KLRK1: variants seen among roughly 807,000 people sequenced by gnomAD.
KLRK1 encodes the protein NKG2-D type II integral membrane protein.
A neutral mutation model predicts 31.3 loss-of-function variants in KLRK1; 40 were observed. The observed-to-expected ratio is 1.28, with a 90% CI of 0.99 to 1.67. The LOEUF is 1.67. Ranked by LOEUF, KLRK1 falls within the 40% of genes most tolerant of loss-of-function variation. KLRK1 has a pLI of 0.00. For missense variants in KLRK1, 251 were observed against 260.0 expected, an observed-to-expected ratio of 0.97 and a Z score of 0.24; for synonymous variants, 77 against 77.3, an observed-to-expected ratio of 1.00 and a Z score of 0.02.
intron 7 of KLRK1, 93 bp downstream of exon 7, chr12:10,378,039 C>T: frequency 2.3e-6 from 3 of 1,295,242 alleles, no homozygotes; most frequent in Non-Finnish European, 3.2e-6. Flanking sequence ...GTGCAAATGT[C>T]CTGGGATTAT....
intron 3 of KLRK1, among the ~76,000 whole-genome samples, chr12:10,385,934 C>T (rs1358630984): frequency 6.6e-6 from 1 of 150,846 alleles, no homozygotes; most frequent in South Asian, 2.1e-4. Flanking sequence ...CCCTTAACTA[C>T]ATATTAAAAA....
In KLRK1 at chr12:10,373,782, A is replaced by T. The variant is rs557829302; in HGVS notation, c.534-551T>A. Among the ~76,000 whole-genome samples the T allele has an allele frequency of 5.9e-5, 9 of 152,206 alleles. No homozygotes were observed. The East Asian group carries it at 1.7e-3, about 29-fold the overall frequency. On this transcript the variant is annotated intron_variant, in intron 7 of 7. Coordinates refer to ENST00000240618, the MANE Select transcript of KLRK1 (RefSeq NM_007360.4). ...ATATGTGTTTTACTCTGGCATCTTT[A>T]ATCTTTTGGAGTTATATGATTAATA... is the stretch of plus-strand genomic sequence containing the variant.
rs1441877246 is a variant in KLRK1 at position 10,378,255 on chromosome 12, A to G, written c.430-20T>C. 1 of 1,605,756 alleles carries G rather than the reference A, an allele frequency of 6.2e-7. No homozygotes were observed. Among genetic ancestry groups the G allele is most frequent in the African/African-American group, 1.3e-5 (1 of 74,604 alleles). On this transcript the variant is annotated intron_variant, in intron 6 of 7. Transcript: ENST00000240618. ...TAAATCCTGTTTGAAACCACAAATA[A>G]ACTATAAGTAAAATCAGTGTTGATA...
chr12:10,377,969 A>G (rs1862996370), intron 7 of KLRK1, among the ~76,000 whole-genome samples, 163 bp downstream of exon 7: 1 of 152,224 alleles, frequency 6.6e-6, no homozygotes, highest in Non-Finnish European at 1.5e-5. Context: ...CTGCTCTACA[A>G]CTAATACAAC....
At chr12:10,381,401 G>A (rs747153722) in intron 3 of KLRK1, among the ~76,000 whole-genome samples, 23 of 152,240 alleles carry the variant, frequency 1.5e-4, no homozygotes, top group Non-Finnish European at 2.9e-4. Flanking sequence ...ATGCTTAAGG[G>A]AGTCCTATAT....
chr12:10,387,166 A>G (rs967460848), intron 2 of KLRK1, among the ~76,000 whole-genome samples, 156 bp from the exon 3 acceptor site: 3 of 152,210 alleles, frequency 2.0e-5, no homozygotes, highest in Non-Finnish European at 2.9e-5. Flanking sequence ...ATAGTACTAC[A>G]TTATTATGTT....
In KLRK1 at chr12:10,373,144, A is replaced by G. The variant is rs1862894579; in HGVS notation, c.621T>C (p.Asn207=). ...KGYIENCSTP[N]TYICMQRTV Reference sequence around the variant, plus strand: ...CAGTCCTTTGCATGCAGATGTACGTATTTGGAGTTGAACAGTTTTCTATAT... The same window carrying G: ...CAGTCCTTTGCATGCAGATGTACGTGTTTGGAGTTGAACAGTTTTCTATAT... The change falls in exon 8 of 8, where the codon AAT becomes AAC. Residue 207 remains asparagine, a synonymous_variant. Coordinates refer to ENST00000240618, the MANE Select transcript of KLRK1 (RefSeq NM_007360.4). 6.2e-7 allele frequency: 1 copy of G among 1,612,188 alleles called. No individual in the cohort carries two copies. Among genetic ancestry groups the G allele is most frequent in the Admixed American group, 1.7e-5 (1 of 59,526 alleles).
At chr12:10,378,470 T>C in intron 6 of KLRK1, 84 bp downstream of exon 6, 1 of 1,569,560 alleles carries the variant, frequency 6.4e-7, no homozygotes, top group Non-Finnish European at 8.6e-7. Context: ...CAGTGTCCCT[T>C]ATATGTTCTA....
chr12:10,387,062 G>T, intron 2 of KLRK1, 52 bp from the exon 3 acceptor site: 1 of 1,450,344 alleles, frequency 6.9e-7, no homozygotes, highest in South Asian at 1.3e-5. Context: ...CTGCCATTTG[G>T]GGCATAAATT....
chr12:10,374,730 G>GT (rs1444219034), intron 7 of KLRK1, among the ~76,000 whole-genome samples: 1 of 151,934 alleles, frequency 6.6e-6, no homozygotes, highest in Non-Finnish European at 1.5e-5. Flanking sequence ...TTCTTTCTCT[G>GT]TTTTTTCATA....
chr12:10,385,538 T>C (rs1457366346), intron 3 of KLRK1, among the ~76,000 whole-genome samples: 1 of 152,028 alleles, frequency 6.6e-6, no homozygotes, highest in Non-Finnish European at 1.5e-5. Context: ...TTCTCACTCA[T>C]ATGTAGGAGA....
chr12:10,382,950 A>G (rs1295318852), intron 3 of KLRK1, among the ~76,000 whole-genome samples: 3 of 152,120 alleles, frequency 2.0e-5, no homozygotes, highest in South Asian at 4.1e-4. Flanking sequence ...AATAATTGCT[A>G]TAAGCTATAA....
intron 3 of KLRK1, among the ~76,000 whole-genome samples, chr12:10,386,269 T>A (rs894777136): frequency 9.2e-5 from 14 of 152,236 alleles, no homozygotes; most frequent in African/African-American, 3.4e-4. Flanking sequence ...GCATGTGTGT[T>A]TTAAATTTTG....
chr12:10,384,180 C>T (rs1863125591), intron 3 of KLRK1, among the ~76,000 whole-genome samples: 1 of 152,066 alleles, frequency 6.6e-6, no homozygotes, highest in Non-Finnish European at 1.5e-5. Flanking sequence ...TCATATGACT[C>T]AAAGCAATCT....
chr12:10,383,762 A>G (rs941117310), intron 3 of KLRK1, among the ~76,000 whole-genome samples: 4 of 152,086 alleles, frequency 2.6e-5, no homozygotes, highest in African/African-American at 7.2e-5. Context: ...ATAAGTCTCA[A>G]AACATTTCCA....
intron 7 of KLRK1, among the ~76,000 whole-genome samples, chr12:10,374,743 A>G (rs937774253): frequency 3.3e-5 from 5 of 151,316 alleles, no homozygotes; most frequent in African/African-American, 4.9e-5. Context: ...TTTTCATACT[A>G]CTTTCATTAC....
rs182882070 is a variant in KLRK1, at chr12:10,379,695, C to T, written c.241+5G>A. 1.7e-3 allele frequency: 2,775 copies of T among 1,597,272 alleles called. 4 individuals are homozygous for T. The highest frequency in any genetic ancestry group is 2.2e-3 in the Non-Finnish European group (2,575 of 1,173,346). ...GTTGCAATCTACTTCTCTGTTGTCACTTACAGTTTAGGAATACAGCACTCC... is the reference window on the plus strand; with the variant it reads ...GTTGCAATCTACTTCTCTGTTGTCATTTACAGTTTAGGAATACAGCACTCC... On this transcript the variant is annotated splice_donor_5th_base_variant and intron_variant, in intron 4 of 7. Coordinates refer to ENST00000240618, the MANE Select transcript of KLRK1 (RefSeq NM_007360.4).
intron 7 of KLRK1, 33 bp downstream of exon 7, chr12:10,378,099 A>G: frequency 6.3e-7 from 1 of 1,583,038 alleles, no homozygotes. Context: ...GAAAAAAATT[A>G]AAAAGAAGAG....
chr12:10,384,032 C>A (rs113302114), intron 3 of KLRK1, among the ~76,000 whole-genome samples: 2 of 151,620 alleles, frequency 1.3e-5, no homozygotes, highest in Non-Finnish European at 3.0e-5. Context: ...AATAAAATAC[C>A]CTGGAATAAA....
Sources: gnomAD v4.1 joint callset for allele counts (sites outside exome capture counted in the v4.1 genomes callset) on GRCh38, gnomAD v4.1.1 for gene constraint, MANE v1.5 for transcripts, NCBI Gene and HGNC (gene_info 2026-07-23, HGNC 2026-07-21) for gene names.